SLC10A7: variants seen among roughly 807,000 people sequenced by gnomAD.
SLC10A7 encodes solute carrier family 10 member 7.
Under a neutral mutation model 43.2 loss-of-function variants are expected in SLC10A7, and 29 were observed. That is an observed-to-expected ratio of 0.67 (90% CI 0.50 to 0.92). SLC10A7 has a LOEUF of 0.92. Ranked by LOEUF, SLC10A7 falls within the 40% of genes least tolerant of loss-of-function variation. The pLI is 0.00. For missense variants in SLC10A7, 295 were observed against 403.2 expected (o/e 0.73, Z 2.30); for synonymous variants, 152 against 144.8 (o/e 1.05, Z -0.35).
intron 4 of SLC10A7, among the ~76,000 whole-genome samples, chr4:146,485,550 AT>A (rs1734837515): frequency 6.6e-6 from 1 of 152,130 alleles, no homozygotes; most frequent in African/African-American, 2.4e-5. Context: ...GTTCAAGGTA[AT>A]CTCCTGTCCT....
chr4:146,309,214 T>A (rs1457759622), intron 6 of SLC10A7, among the ~76,000 whole-genome samples: 1 of 152,168 alleles, frequency 6.6e-6, no homozygotes, highest in South Asian at 2.1e-4. Flanking sequence ...CTCTCTTTTG[T>A]GAACCATTGT....
At chr4:146,350,399 T>TCTCGCCCACG (rs1578956071) in intron 5 of SLC10A7, among the ~76,000 whole-genome samples, 2 of 142,316 alleles carry the variant, frequency 1.4e-5, no homozygotes, top group Admixed American at 6.9e-5. Context: ...GGAATCTCGC[T>TCTCGCCCACG]GATTGCTAGC....
At chr4:146,373,492 T>C (rs1432026477) in intron 5 of SLC10A7, among the ~76,000 whole-genome samples, 2 of 119,668 alleles carry the variant, frequency 1.7e-5, no homozygotes, top group Admixed American at 1.7e-4. Flanking sequence ...AAAAAAAATG[T>C]GATAACAAAT....
chr4:146,498,210 C>T (rs1180682382), intron 4 of SLC10A7, among the ~76,000 whole-genome samples: 4 of 151,930 alleles, frequency 2.6e-5, no homozygotes, highest in African/African-American at 7.3e-5. Flanking sequence ...CTCCGCGCCC[C>T]GGGTTCAAGC....
intron 4 of SLC10A7, among the ~76,000 whole-genome samples, chr4:146,493,790 A>C (rs1007614966): frequency 4.6e-5 from 7 of 152,232 alleles, no homozygotes; most frequent in Non-Finnish European, 1.0e-4. Flanking sequence ...AAACCTGAAG[A>C]CCTATAATGC....
chr4:146,268,703 T>C (rs1728713495), intron 10 of SLC10A7, among the ~76,000 whole-genome samples: 1 of 152,146 alleles, frequency 6.6e-6, no homozygotes. Context: ...AGAAGGAAAT[T>C]GAGGCAGCAG....
At chr4:146,344,475 C>G (rs932317517) in intron 5 of SLC10A7, among the ~76,000 whole-genome samples, 55 of 151,956 alleles carry the variant, frequency 3.6e-4, no homozygotes, top group African/African-American at 1.1e-3. Flanking sequence ...GGATGATAGT[C>G]TTTTTGGCTT....
chr4:146,471,449 G>C (rs1327165680), intron 4 of SLC10A7, among the ~76,000 whole-genome samples: 1 of 152,062 alleles, frequency 6.6e-6, no homozygotes, highest in African/African-American at 2.4e-5. Context: ...GGTACCTTTA[G>C]ATCTTTAAGT....
At chr4:146,377,629 T>C (rs972116422) in intron 5 of SLC10A7, among the ~76,000 whole-genome samples, 4 of 152,152 alleles carry the variant, frequency 2.6e-5, no homozygotes, top group Admixed American at 6.5e-5. Flanking sequence ...AAAGACCATA[T>C]ATTAGAACAA....
chr4:146,461,461 G>C (rs1310832670), intron 4 of SLC10A7, among the ~76,000 whole-genome samples: 1 of 151,986 alleles, frequency 6.6e-6, no homozygotes, highest in Non-Finnish European at 1.5e-5. Flanking sequence ...CATTATCTAA[G>C]TATTCATTCT....
In SLC10A7 at chr4:146,479,373, G is replaced by A. The variant is rs553264917; in HGVS notation, c.396+24476C>T. 5.0e-4 allele frequency among the ~76,000 whole-genome samples: 76 copies of A among 152,082 alleles called. 1 individual carries two copies. In the South Asian group the frequency reaches 0.015, roughly 31 times the overall value. ...ACTTTATCATAACACTACCTACTCT[G>A]TTCATATCCATTATAATTAAAACAG... On this transcript the variant is annotated intron_variant, in intron 4 of 11. Coordinates refer to ENST00000335472, the MANE Select transcript of SLC10A7 (RefSeq NM_001029998.6).
chr4:146,295,552 C>T (rs1730724707), intron 7 of SLC10A7, among the ~76,000 whole-genome samples: 1 of 151,992 alleles, frequency 6.6e-6, no homozygotes, highest in Non-Finnish European at 1.5e-5. Context: ...TGTCACACAG[C>T]ATTATGTACT....
intron 4 of SLC10A7, among the ~76,000 whole-genome samples, chr4:146,473,367 A>C (rs1733751866): frequency 6.6e-6 from 1 of 152,174 alleles, no homozygotes; most frequent in African/African-American, 2.4e-5. Context: ...AATGCTGCTT[A>C]GTTCCTAGAA....
chr4:146,263,415 T>G (rs991172875), intron 10 of SLC10A7, among the ~76,000 whole-genome samples: 7 of 152,202 alleles, frequency 4.6e-5, no homozygotes, highest in Admixed American at 3.3e-4. Context: ...GAACTTGTAT[T>G]TTTCCAGATT....
At chr4:146,410,861 T>C (rs969644835) in intron 5 of SLC10A7, among the ~76,000 whole-genome samples, 2 of 152,102 alleles carry the variant, frequency 1.3e-5, no homozygotes, top group Non-Finnish European at 2.9e-5. Context: ...TGAGACAGAG[T>C]CTTGCTCTGT....
In SLC10A7 at chr4:146,521,637, C is replaced by T; in HGVS notation, c.81G>A (p.Pro27=). 6.2e-7 allele frequency: 1 copy of T among 1,614,126 alleles called. No individual in the cohort carries two copies. Among genetic ancestry groups the T allele is most frequent in the South Asian group, 1.1e-5 (1 of 91,084 alleles). The part of the protein sequence containing the change: ...VLAIAGAKLE[P]SIGVNGGPLK... ...ACTTACCCCCATTCACCCCTATGGACGGCTCCAGTTTAGCTCCAGCGATCG... is the reference window on the plus strand; with the variant it reads ...ACTTACCCCCATTCACCCCTATGGATGGCTCCAGTTTAGCTCCAGCGATCG... Residue 27 remains proline (P), a synonymous_variant, in exon 1 of 12, where the codon CCG becomes CCA. Transcript: ENST00000335472.
chr4:146,519,105 AT>A (rs1424346809), intron 1 of SLC10A7, among the ~76,000 whole-genome samples: 1,425 of 34,320 alleles, frequency 0.042, 130 homozygotes, highest in South Asian at 0.058. Context: ...ATATATATAT[AT>A]ATATATAATA....
At chr4:146,498,369 C>T (rs571410303) in intron 4 of SLC10A7, among the ~76,000 whole-genome samples, 3 of 152,160 alleles carry the variant, frequency 2.0e-5, no homozygotes, top group South Asian at 4.2e-4. Context: ...CCCCCAGCCT[C>T]GGCCTCCCAA....
At chr4:146,403,109 T>C (rs1739333984) in intron 5 of SLC10A7, among the ~76,000 whole-genome samples, 1 of 152,246 alleles carries the variant, frequency 6.6e-6, no homozygotes, top group Non-Finnish European at 1.5e-5. Flanking sequence ...CTGTTTGTTA[T>C]TACTGCTAGT....
Sources: gnomAD v4.1 joint callset for allele counts (sites outside exome capture counted in the v4.1 genomes callset) on GRCh38, gnomAD v4.1.1 for gene constraint, MANE v1.5 for transcripts, NCBI Gene and HGNC (gene_info 2026-07-23, HGNC 2026-07-21) for gene names.